The following LPIN1 variants were observed in gnomAD, a reference collection of about 807,000 sequenced individuals.
LPIN1 encodes the protein lipin 1.
In LPIN1, 71 loss-of-function variants were observed where a neutral mutation model predicts 107.5. The observed-to-expected ratio is 0.66, with a 90% CI of 0.55 to 0.80. The LOEUF (loss-of-function observed/expected upper bound fraction) is 0.80. LPIN1 is among the 30% of genes least tolerant of loss of function. The pLI is 0.00. For synonymous variants in LPIN1, 445 were observed against 452.6 expected (o/e 0.98, Z 0.21); for missense variants, 1,043 against 1,160.6 (o/e 0.90, Z 1.47).
chr2:11,696,022 T>C (rs1157834301), intron 1 of LPIN1, among the ~76,000 whole-genome samples: 2 of 151,104 alleles, frequency 1.3e-5, no homozygotes, highest in Non-Finnish European at 2.9e-5. Context: ...CACCATCCTA[T>C]GGCTCTGACA....
At chr2:11,776,052 T>A (rs988704571) in intron 5 of LPIN1, 34 bp from the exon 6 acceptor site, 1 of 1,291,474 alleles carries the variant, frequency 7.7e-7, no homozygotes, top group Admixed American at 2.0e-5. Context: ...TGATTTTGTC[T>A]TTCTTTTAAT....
At chr2:11,805,399 G>A in intron 17 of LPIN1, 1 of 598,142 alleles carries the variant, frequency 1.7e-6, no homozygotes, top group African/African-American at 1.8e-5. Context: ...TTGATTACTA[G>A]GAGAACACAG....
chr2:11,773,473 C>T (rs921246625), intron 4 of LPIN1, 147 bp from the exon 5 acceptor site: 1 of 677,122 alleles, frequency 1.5e-6, no homozygotes, highest in Non-Finnish European at 2.6e-6. Context: ...TCACTTTTTC[C>T]CCCTCCACTG....
chr2:11,681,897 G>A (rs1661733467), intron 1 of LPIN1, among the ~76,000 whole-genome samples: 1 of 152,210 alleles, frequency 6.6e-6, no homozygotes, highest in Admixed American at 6.5e-5. Context: ...CCTTTCTACA[G>A]GGACCTTTGG....
At position 11,782,415 on chromosome 2, in the gene LPIN1, C is replaced by T. The variant is rs369351154; in HGVS notation, c.1172C>T (p.Ala391Val). The change falls in exon 8 of 21, where the codon GCG (alanine) becomes GTG (valine). Residue 391 changes from alanine to valine, a missense_variant. Physicochemically the swap from Ala to Val is moderately conservative, Grantham distance 64. Coordinates refer to ENST00000674199, the MANE Select transcript of LPIN1 (RefSeq NM_001349206.2). Reference sequence around the variant, plus strand: ...GACCTGGAGACCTTAGGAGCAGCAGCGCCACTCTTGCCCATGATCGAGGAG... The same window carrying T: ...GACCTGGAGACCTTAGGAGCAGCAGTGCCACTCTTGCCCATGATCGAGGAG... ...EEDLETLGAA[A>V]PLLPMIEELK... 22 of 1,614,070 alleles carry T rather than the reference C, an allele frequency of 1.4e-5. No individual in the cohort carries two copies. Among genetic ancestry groups the T allele is most frequent in the Non-Finnish European group, 1.7e-5 (20 of 1,180,040 alleles).
exon 2 of LPIN1, chr2:11,741,404 A>G: frequency 6.4e-7 from 1 of 1,550,522 alleles, no homozygotes. Context: ...ACAGAAGACA[A>G]CTAGAAACCT....
Position 11,765,488 on chromosome 2 carries a change from GATTA to G in LPIN1, c.-9-41_-9-38del, listed in dbSNP as rs1163080789. On this transcript the variant is annotated intron_variant, in intron 1 of 20. Coordinates refer to ENST00000674199, the MANE Select transcript of LPIN1 (RefSeq NM_001349206.2). This position sits in a 1 kb window ranked among gnomAD's most constrained non-coding sequence, Gnocchi z 4.4. The stretch of plus-strand genomic sequence containing the variant: ...GTTCATTTTGATTGGCTCTTCCTTG[GATTA>G]ATTGTGTGTCTGTGTGTGTTTTTTT... The G allele has an allele frequency of 1.6e-5, 25 of 1,562,038 alleles. No individual in the cohort carries two copies. The highest frequency in any genetic ancestry group is 2.2e-5 in the Non-Finnish European group (25 of 1,144,522).
intron 17 of LPIN1, among the ~76,000 whole-genome samples, chr2:11,805,741 T>C (rs1678562406): frequency 6.6e-6 from 1 of 152,242 alleles, no homozygotes; most frequent in African/African-American, 2.4e-5. Context: ...ACTTCACTTA[T>C]ATCTTACAGA....
intron 14 of LPIN1, among the ~76,000 whole-genome samples, chr2:11,801,608 G>C (rs1338317153): frequency 1.3e-5 from 2 of 152,154 alleles, no homozygotes; most frequent in East Asian, 3.8e-4. Context: ...GAAGGGTAGA[G>C]GGGAGAGGAG....
intron 1 of LPIN1, among the ~76,000 whole-genome samples, chr2:11,729,751 C>G (rs995218901): frequency 3.9e-5 from 6 of 152,120 alleles, no homozygotes; most frequent in African/African-American, 1.2e-4. Context: ...ATATAATTTG[C>G]CTTTTCTCTG....
chr2:11,810,631 C>T (rs1443294133), intron 17 of LPIN1, among the ~76,000 whole-genome samples: 1 of 152,178 alleles, frequency 6.6e-6, no homozygotes, highest in African/African-American at 2.4e-5. Flanking sequence ...ACAGCAGTGG[C>T]TCTCAACTGA....
At chr2:11,812,999 G>C (rs1032177226) in intron 17 of LPIN1, among the ~76,000 whole-genome samples, 1 of 152,146 alleles carries the variant, frequency 6.6e-6, no homozygotes, top group Non-Finnish European at 1.5e-5. Flanking sequence ...AGGGTTTGAC[G>C]TCACACCTGG....
intron 13 of LPIN1, among the ~76,000 whole-genome samples, chr2:11,793,160 C>G (rs1676078761): frequency 6.6e-6 from 1 of 152,160 alleles, no homozygotes; most frequent in South Asian, 2.1e-4. Flanking sequence ...GTGAGTTCTT[C>G]CATCATTGGG....
At chr2:11,731,329 G>T (rs556237162) in intron 1 of LPIN1, among the ~76,000 whole-genome samples, 1 of 151,788 alleles carries the variant, frequency 6.6e-6, no homozygotes, top group African/African-American at 2.4e-5. Flanking sequence ...CATGCAGTTT[G>T]TTTTCTGTTC....
chr2:11,800,101 C>T (rs1444175662), intron 14 of LPIN1, among the ~76,000 whole-genome samples: 1 of 152,216 alleles, frequency 6.6e-6, no homozygotes, highest in Non-Finnish European at 1.5e-5. Flanking sequence ...CAGCCCAGGT[C>T]TCTGTGTTGT....
At chr2:11,799,310 G>A (rs771401231) in intron 14 of LPIN1, among the ~76,000 whole-genome samples, 14 of 151,786 alleles carry the variant, frequency 9.2e-5, no homozygotes, top group Admixed American at 1.3e-4. Context: ...TCCTCATCCC[G>A]CCGGCAGAGG....
At chr2:11,736,306 G>A (rs1007918068) in intron 1 of LPIN1, among the ~76,000 whole-genome samples, 1 of 152,206 alleles carries the variant, frequency 6.6e-6, no homozygotes. Context: ...CATGGTTCTG[G>A]AGGCTGGACC....
chr2:11,787,016 A>T, intron 10 of LPIN1, 58 bp from the exon 11 acceptor site: 1 of 1,200,192 alleles, frequency 8.3e-7, no homozygotes, highest in Non-Finnish European at 1.2e-6. Context: ...AGGTAGGCCT[A>T]ATTTTGAACT....
chr2:11,696,120 A>G (rs7598525), intron 1 of LPIN1, among the ~76,000 whole-genome samples: 19,689 of 145,714 alleles, frequency 0.14, 3,350 homozygotes, highest in African/African-American at 0.41. Flanking sequence ...TTTGTTACAT[A>G]GGTATACGTG....
Sources: allele counts gnomAD v4.1 joint callset (sites outside exome capture counted in the v4.1 genomes callset), GRCh38; gene constraint gnomAD v4.1.1; non-coding constraint Gnocchi (gnomAD v3.1); transcripts MANE v1.5; gene names NCBI Gene and HGNC (gene_info 2026-07-23, HGNC 2026-07-21).